ENOX1: variants seen among roughly 807,000 people sequenced by gnomAD.
ENOX1 encodes the protein ecto-NOX disulfide-thiol exchanger 1.
A neutral mutation model predicts 82.5 loss-of-function variants in ENOX1; 42 were observed. That is an observed-to-expected ratio of 0.51 (90% CI 0.40 to 0.66). The LOEUF is 0.66. ENOX1 is among the 30% of genes least tolerant of loss of function. ENOX1 has a pLI of 0.00. For synonymous variants in ENOX1, 271 were observed against 282.2 expected (o/e 0.96, Z 0.40); for missense variants, 608 against 811.6 (o/e 0.75, Z 3.05).
Position 43,365,427 on chromosome 13 carries a change from T to C in ENOX1, c.209-3975A>G, listed in dbSNP as rs146757855. ...AATGGCTGCATTACAGGTGTAGTCC[T>C]GGGCTGAGGGTGTCCTGACAAAGTG... is the stretch of plus-strand genomic sequence containing the variant. On this transcript the variant is annotated intron_variant, in intron 5 of 16. Transcript: ENST00000690772. Among the ~76,000 whole-genome samples, 630 of 152,334 alleles carry C rather than the reference T, an allele frequency of 4.1e-3. 3 individuals carry two copies. Among genetic ancestry groups the C allele is most frequent in the African/African-American group, 0.014 (592 of 41,566 alleles).
At chr13:43,709,622 G>A (rs1383427867) in intron 1 of ENOX1, among the ~76,000 whole-genome samples, 3 of 151,662 alleles carry the variant, frequency 2.0e-5, no homozygotes, top group African/African-American at 7.3e-5. Context: ...AGAGAAGGAG[G>A]GAGAAGGAAG....
chr13:43,400,245 G>A (rs985709279), intron 5 of ENOX1, among the ~76,000 whole-genome samples: 1 of 151,904 alleles, frequency 6.6e-6, no homozygotes, highest in Admixed American at 6.6e-5. Context: ...ACCTTCAAGG[G>A]TTCTCCCTTC....
chr13:43,441,665 G>C (rs1385506891), intron 3 of ENOX1, among the ~76,000 whole-genome samples: 1 of 150,622 alleles, frequency 6.6e-6, no homozygotes, highest in Non-Finnish European at 1.5e-5. Context: ...CCTGCCCGAA[G>C]GCGGCACTGC....
chr13:43,224,586 C>T (rs1666436282), intron 15 of ENOX1, among the ~76,000 whole-genome samples: 1 of 152,190 alleles, frequency 6.6e-6, no homozygotes, highest in Non-Finnish European at 1.5e-5. Flanking sequence ...ATTACAATTG[C>T]TAGATATGAA....
At chr13:43,537,603 T>C (rs538261027) in intron 2 of ENOX1, among the ~76,000 whole-genome samples, 11 of 152,338 alleles carry the variant, frequency 7.2e-5, no homozygotes, top group African/African-American at 2.6e-4. Context: ...GTTCTCTGCA[T>C]TGTTTCTGTG....
intron 2 of ENOX1, among the ~76,000 whole-genome samples, chr13:43,635,605 T>C (rs1018868965): frequency 4.6e-5 from 7 of 152,194 alleles, no homozygotes; most frequent in South Asian, 2.1e-4. Context: ...AATTTCCACA[T>C]GTGAGAAGTG....
At chr13:43,572,949 C>T (rs2080249506) in intron 2 of ENOX1, among the ~76,000 whole-genome samples, 2 of 152,222 alleles carry the variant, frequency 1.3e-5, no homozygotes, top group South Asian at 4.1e-4. Flanking sequence ...CATTGAGTCA[C>T]TTCATTACCT....
intron 9 of ENOX1, among the ~76,000 whole-genome samples, chr13:43,328,135 G>A (rs1333370820): frequency 6.6e-6 from 1 of 152,144 alleles, no homozygotes; most frequent in Non-Finnish European, 1.5e-5. Context: ...CTAAACACCT[G>A]GGGCTGCTCT....
chr13:43,698,780 T>C (rs570540502), intron 1 of ENOX1, among the ~76,000 whole-genome samples: 1 of 152,308 alleles, frequency 6.6e-6, no homozygotes, highest in East Asian at 1.9e-4. Context: ...GAGATATATT[T>C]ATTCAAAACT....
At chr13:43,467,180 A>G (rs2057764680) in intron 3 of ENOX1, among the ~76,000 whole-genome samples, 1 of 152,188 alleles carries the variant, frequency 6.6e-6, no homozygotes, top group African/African-American at 2.4e-5. Context: ...TTTTAAGAAA[A>G]TGTCAAGGTG....
At chr13:43,468,630 AAAAG>A (rs1316327926) in intron 3 of ENOX1, among the ~76,000 whole-genome samples, 3 of 120,322 alleles carry the variant, frequency 2.5e-5, no homozygotes, top group Non-Finnish European at 5.3e-5. Context: ...TTCTCCACAA[AAAAG>A]AAAAAAAAAA....
At chr13:43,442,149 C>A (rs1291921479) in intron 3 of ENOX1, among the ~76,000 whole-genome samples, 1 of 152,112 alleles carries the variant, frequency 6.6e-6, no homozygotes, top group Non-Finnish European at 1.5e-5. Flanking sequence ...CTCTTCACAG[C>A]CCCCAGATTA....
At chr13:43,612,686 T>C (rs1027414) in intron 2 of ENOX1, among the ~76,000 whole-genome samples, 2,881 of 152,286 alleles carry the variant, frequency 0.019, 167 homozygotes, top group Admixed American at 0.12. Context: ...GTCTGGTAAC[T>C]CATTCTCATA....
At chr13:43,564,983 G>T (rs1038933925) in intron 2 of ENOX1, among the ~76,000 whole-genome samples, 1 of 152,144 alleles carries the variant, frequency 6.6e-6, no homozygotes, top group Non-Finnish European at 1.5e-5. Context: ...TGAACAAAGA[G>T]AAACAAGGTC....
At chr13:43,496,511 T>C (rs1244784428) in intron 2 of ENOX1, among the ~76,000 whole-genome samples, 1 of 151,968 alleles carries the variant, frequency 6.6e-6, no homozygotes, top group South Asian at 2.1e-4. Context: ...GCTTCCCAAG[T>C]AGCTGGAACT....
chr13:43,639,440 G>A (rs2083541759), intron 2 of ENOX1, among the ~76,000 whole-genome samples: 1 of 152,124 alleles, frequency 6.6e-6, no homozygotes, highest in Non-Finnish European at 1.5e-5. Flanking sequence ...TTCTTAAAAA[G>A]TTTTGCCCTG....
chr13:43,352,784 T>C (rs557077564), intron 8 of ENOX1, among the ~76,000 whole-genome samples: 32 of 152,188 alleles, frequency 2.1e-4, no homozygotes, highest in South Asian at 1.7e-3. Context: ...GAAGGTCAAG[T>C]AGCCAGTGAA....
intron 2 of ENOX1, among the ~76,000 whole-genome samples, chr13:43,576,943 C>T (rs2080453994): frequency 6.6e-6 from 1 of 152,060 alleles, no homozygotes; most frequent in Non-Finnish European, 1.5e-5. Flanking sequence ...GTTTTACCCC[C>T]TTTATAATTC....
At chr13:43,747,743 C>G (rs893743017) in intron 1 of ENOX1, among the ~76,000 whole-genome samples, 2 of 152,172 alleles carry the variant, frequency 1.3e-5, no homozygotes, top group African/African-American at 4.8e-5. Flanking sequence ...AAATTGGATA[C>G]CTTTTTATTT....
Sources: allele counts gnomAD v4.1 joint callset (sites outside exome capture counted in the v4.1 genomes callset), GRCh38; gene constraint gnomAD v4.1.1; transcripts MANE v1.5; gene names NCBI Gene and HGNC (gene_info 2026-07-23, HGNC 2026-07-21).